Variants in LIMCH1 observed in about 807,000 individuals in gnomAD.
LIMCH1 encodes LIM and calponin homology domains 1, also known as LIM and calponin homology domains-containing protein 1.
Under a neutral mutation model 176.5 loss-of-function variants are expected in LIMCH1, and 113 were observed. The ratio of observed to expected loss-of-function variants is 0.64; its 90% CI spans 0.55 to 0.75. The LOEUF (loss-of-function observed/expected upper bound fraction) is 0.75. LIMCH1 is among the 30% of genes least tolerant of loss of function. LIMCH1 has a pLI of 0.00. For synonymous variants in LIMCH1, 619 were observed against 645.9 expected, an observed-to-expected ratio of 0.96 and a Z score of 0.63; for missense variants, 1,674 against 1,814.9, an observed-to-expected ratio of 0.92 and a Z score of 1.41.
intron 22 of LIMCH1, among the ~76,000 whole-genome samples, chr4:41,674,777 T>G (rs1278809924): frequency 2.0e-5 from 3 of 152,208 alleles, no homozygotes; most frequent in Non-Finnish European, 4.4e-5. Flanking sequence ...CTCATGAAAT[T>G]TATTGAATAC....
intron 1 of LIMCH1, among the ~76,000 whole-genome samples, chr4:41,445,263 C>G (rs1237826843): frequency 6.6e-6 from 1 of 152,176 alleles, no homozygotes; most frequent in Non-Finnish European, 1.5e-5. Context: ...CTCAGCCTCC[C>G]AAAGTGCTGG....
chr4:41,465,922 C>T (rs1170303466), intron 1 of LIMCH1, among the ~76,000 whole-genome samples: 1 of 143,918 alleles, frequency 6.9e-6, no homozygotes, highest in African/African-American at 2.6e-5. Flanking sequence ...GACAGTGTCT[C>T]TTGTAAAGCC....
intron 17 of LIMCH1, among the ~76,000 whole-genome samples, chr4:41,647,691 T>C (rs2094123042): frequency 6.6e-6 from 1 of 152,260 alleles, no homozygotes; most frequent in Non-Finnish European, 1.5e-5. Flanking sequence ...CTTGGAGATG[T>C]GACCATTAGA....
intron 14 of LIMCH1, among the ~76,000 whole-genome samples, chr4:41,642,669 C>T (rs2093875519): frequency 1.3e-5 from 2 of 152,194 alleles, no homozygotes; most frequent in Admixed American, 1.3e-4. Context: ...AGCCATCCTC[C>T]TGCCTCAACC....
At chr4:41,647,204 C>A (rs1487465760) in intron 17 of LIMCH1, among the ~76,000 whole-genome samples, 2 of 152,038 alleles carry the variant, frequency 1.3e-5, no homozygotes, top group African/African-American at 4.8e-5. Context: ...TGGTAAAAAC[C>A]CTAATTTAGT....
rs151027883 is a variant in LIMCH1 at position 41,425,000 on chromosome 4, G to A, written c.96+64064G>A. Among the ~76,000 whole-genome samples the A allele has an allele frequency of 4.4e-3, 675 of 152,048 alleles. 5 individuals carry two copies. Among genetic ancestry groups the A allele is most frequent in the African/African-American group, 0.016 (655 of 41,460 alleles). ...TCTCAATTGTAAAAATATTCCTCTC[G>A]GCCACCAGATTCCTCAGTCACTTCC... On this transcript the variant is annotated intron_variant, in intron 1 of 26. Coordinates refer to the LIMCH1 transcript ENST00000313860.
intron 1 of LIMCH1, chr4:41,453,785 A>G (rs1462734854): frequency 1.3e-5 from 2 of 152,232 alleles, no homozygotes; most frequent in African/African-American, 4.8e-5. Flanking sequence ...CATTAAAGGT[A>G]TTAATACTCT....
intron 1 of LIMCH1, among the ~76,000 whole-genome samples, chr4:41,547,808 TATA>T (rs1471705077): frequency 7.0e-6 from 1 of 141,906 alleles, no homozygotes; most frequent in Non-Finnish European, 1.5e-5. Flanking sequence ...ATAAATACAA[TATA>T]ATATACATTA....
chr4:41,564,700 G>A (rs556278908), intron 1 of LIMCH1, among the ~76,000 whole-genome samples: 1 of 152,212 alleles, frequency 6.6e-6, no homozygotes, highest in Admixed American at 6.5e-5. Flanking sequence ...AGGATAATTT[G>A]TCCCTACAAT....
intron 1 of LIMCH1, among the ~76,000 whole-genome samples, chr4:41,412,198 G>A (rs926470433): frequency 6.6e-6 from 1 of 152,104 alleles, no homozygotes; most frequent in African/African-American, 2.4e-5. Context: ...ATTTATTAAA[G>A]GTACAAATTG....
rs374709569 is a variant in LIMCH1, at chr4:41,491,044, C to T, written c.97-3492C>T. Reference sequence around the variant, plus strand: ...GCAGAGGTGCACCTCACTTCCCAGACGGGGCGGCTGGGCAGAGGTGCACCT... The same window carrying T: ...GCAGAGGTGCACCTCACTTCCCAGATGGGGCGGCTGGGCAGAGGTGCACCT... On this transcript the variant is annotated intron_variant, in intron 1 of 26. Transcript: ENST00000313860. Among the ~76,000 whole-genome samples the T allele has an allele frequency of 1.4e-3, 199 of 139,100 alleles. 1 individual carries two copies. Among genetic ancestry groups the T allele is most frequent in the Admixed American group, 5.1e-3 (70 of 13,680 alleles). The allele number at this position is 139,100 out of a possible 152,430, so 91.3% of individuals were successfully genotyped here. A position where few individuals can be genotyped will look rare whatever the true frequency, so the allele number is the denominator to read the frequency against.
At chr4:41,542,816 A>G (rs1206766079) in intron 1 of LIMCH1, among the ~76,000 whole-genome samples, 1 of 152,232 alleles carries the variant, frequency 6.6e-6, no homozygotes, top group Non-Finnish European at 1.5e-5. Flanking sequence ...TATCTACAGT[A>G]AGAGAGAACA....
rs749434869 is a variant in LIMCH1, at chr4:41,410,070, A to G, written c.96+49134A>G. 3.9e-5 allele frequency among the ~76,000 whole-genome samples: 6 copies of G among 152,300 alleles called. No individual in the cohort carries two copies. In the East Asian group the frequency reaches 5.8e-4, roughly 15 times the overall value. On this transcript the variant is annotated intron_variant, in intron 1 of 26. Coordinates refer to the LIMCH1 transcript ENST00000313860. Reference sequence around the variant, plus strand: ...AAATGGGGTCATATAAGGGCTTTATATCTTATGCTACCCAAATCCTTTTAT... The same window carrying G: ...AAATGGGGTCATATAAGGGCTTTATGTCTTATGCTACCCAAATCCTTTTAT...
At chr4:41,425,925 G>A (rs917385129) in intron 1 of LIMCH1, among the ~76,000 whole-genome samples, 1 of 152,008 alleles carries the variant, frequency 6.6e-6, no homozygotes, top group Non-Finnish European at 1.5e-5. Flanking sequence ...TGTCTGAGGT[G>A]CTGCTGTTTT....
At chr4:41,662,102 T>C (rs761526879) in intron 19 of LIMCH1, among the ~76,000 whole-genome samples, 4 of 152,164 alleles carry the variant, frequency 2.6e-5, no homozygotes, top group Non-Finnish European at 5.9e-5. Context: ...CAAATTATTA[T>C]TTTTTATAAG....
At chr4:41,460,679 A>C (rs909383555) in intron 1 of LIMCH1, among the ~76,000 whole-genome samples, 2 of 152,112 alleles carry the variant, frequency 1.3e-5, no homozygotes, top group Admixed American at 6.5e-5. Flanking sequence ...TGCTTTAATC[A>C]TGAGTTCCTC....
At position 41,631,277 on chromosome 4, in the gene LIMCH1, G is replaced by A; in HGVS notation, c.1401G>A (p.Lys467=). The part of the protein sequence containing the change: ...ASKKASSPRQ[K]FVHFGPVTEL... Reference sequence around the variant, plus strand: ...AGAAAGCTTCCAGCCCCAGGCAAAAGTTTGTGCACTTTGGGCCAGTGACGG... The same window carrying A: ...AGAAAGCTTCCAGCCCCAGGCAAAAATTTGTGCACTTTGGGCCAGTGACGG... The change falls in exon 10 of 32, where the codon AAG becomes AAA. Residue 467 remains lysine, a synonymous_variant. Coordinates refer to ENST00000503057, the MANE Select transcript of LIMCH1 (RefSeq NM_001330672.2). The A allele has an allele frequency of 6.5e-7, 1 of 1,536,096 alleles. No homozygotes were observed. Among genetic ancestry groups the A allele is most frequent in the Non-Finnish European group, 8.7e-7 (1 of 1,146,898 alleles).
chr4:41,678,148 A>AT (rs1462034793), intron 23 of LIMCH1, among the ~76,000 whole-genome samples: 1 of 151,814 alleles, frequency 6.6e-6, no homozygotes. Context: ...ATGTGTTCTC[A>AT]TTGTTCATCT....
At chr4:41,605,761 G>A (rs941676666) in intron 3 of LIMCH1, 133 bp from the exon 4 acceptor site, 3 of 570,482 alleles carry the variant, frequency 5.3e-6, no homozygotes, top group South Asian at 3.9e-5. Context: ...ATACCTCATG[G>A]GTGGTGGTTT....
Sources: gnomAD v4.1 joint callset for allele counts (sites outside exome capture counted in the v4.1 genomes callset) on GRCh38, gnomAD v4.1.1 for gene constraint, MANE v1.5 for transcripts, NCBI Gene and HGNC (gene_info 2026-07-23, HGNC 2026-07-21) for gene names.